The following KAT6B variants were observed in gnomAD, a reference collection of about 807,000 sequenced individuals.
KAT6B encodes histone acetyltransferase KAT6B.
A neutral mutation model predicts 187.5 loss-of-function variants in KAT6B; 10 were observed. The observed-to-expected ratio is 0.05, with a 90% confidence interval of 0.03 to 0.09. The LOEUF is 0.09. Ranked by LOEUF, KAT6B falls within the 10% of genes least tolerant of loss-of-function variation. The probability of loss-of-function intolerance (pLI) is 1.00; values close to 1 mark genes in which losing one functional copy is unlikely to be tolerated. For missense variants in KAT6B, 1,952 were observed against 2,558.9 expected (o/e 0.76, Z 5.12); for synonymous variants, 861 against 926.8 (o/e 0.93, Z 1.29).
chr10:74,890,610 C>T (rs190365359), intron 3 of KAT6B, among the ~76,000 whole-genome samples: 8 of 152,116 alleles, frequency 5.3e-5, no homozygotes, highest in Non-Finnish European at 8.8e-5. Context: ...ACAGTTTTCT[C>T]GGAGTACACG....
At chr10:74,896,607 C>T (rs1408747229) in intron 3 of KAT6B, among the ~76,000 whole-genome samples, 2 of 152,112 alleles carry the variant, frequency 1.3e-5, no homozygotes, top group African/African-American at 2.4e-5. Flanking sequence ...GTACTTTAAA[C>T]GATTATGGGT....
At chr10:74,976,679 C>T (rs1281594223) in intron 8 of KAT6B, 2 of 378,880 alleles carry the variant, frequency 5.3e-6, no homozygotes, top group Non-Finnish European at 1.0e-5. Context: ...GTCACCTCTG[C>T]AGCCACAGCG....
At chr10:74,905,774 A>G (rs1320866189) in intron 3 of KAT6B, among the ~76,000 whole-genome samples, 1 of 152,122 alleles carries the variant, frequency 6.6e-6, no homozygotes, top group East Asian at 1.9e-4. Context: ...TGATAATAAA[A>G]AGCAAACTGA....
At chr10:74,872,775 A>G (rs1351033016) in intron 3 of KAT6B, among the ~76,000 whole-genome samples, 2 of 151,340 alleles carry the variant, frequency 1.3e-5, no homozygotes, top group Non-Finnish European at 2.9e-5. Flanking sequence ...TTGGTCTTCC[A>G]AAGTGTTGGG....
chr10:74,950,172 T>TA (rs1266265616), intron 3 of KAT6B, among the ~76,000 whole-genome samples: 2 of 152,206 alleles, frequency 1.3e-5, no homozygotes, highest in African/African-American at 4.8e-5. Flanking sequence ...TATCTCCAAT[T>TA]ATCTTTTAGA....
intron 4 of KAT6B, among the ~76,000 whole-genome samples, chr10:74,968,090 A>AG (rs942356700): frequency 3.3e-5 from 5 of 152,176 alleles, no homozygotes; most frequent in African/African-American, 9.7e-5. Context: ...TCACTATATA[A>AG]GGGGACAGAG....
intron 7 of KAT6B, 143 bp downstream of exon 7, chr10:74,972,782 A>C (rs1284375557): frequency 1.2e-6 from 1 of 808,138 alleles, no homozygotes. Context: ...CTTTTGCATA[A>C]GCTGTGGAAA....
At chr10:74,924,304 A>G (rs1848339671) in intron 3 of KAT6B, among the ~76,000 whole-genome samples, 1 of 152,252 alleles carries the variant, frequency 6.6e-6, no homozygotes, top group Non-Finnish European at 1.5e-5. Flanking sequence ...GTTAAAAACT[A>G]TAAATAAAGT....
chr10:74,895,060 TG>T (rs1268836040), intron 3 of KAT6B, among the ~76,000 whole-genome samples: 3 of 130,564 alleles, frequency 2.3e-5, no homozygotes, highest in African/African-American at 8.4e-5. Context: ...TATCAACACT[TG>T]GTTTTTTTTT....
At chr10:74,933,811 A>G (rs1006256290) in intron 3 of KAT6B, among the ~76,000 whole-genome samples, 1 of 152,194 alleles carries the variant, frequency 6.6e-6, no homozygotes, top group African/African-American at 2.4e-5. Context: ...TAGGTAGACA[A>G]CTTTGCTGAG....
chr10:74,928,642 T>C (rs1848656822), intron 3 of KAT6B, among the ~76,000 whole-genome samples: 1 of 152,238 alleles, frequency 6.6e-6, no homozygotes, highest in Admixed American at 6.5e-5. Flanking sequence ...AGCTCACTTA[T>C]GTCATTTGTC....
chr10:74,911,688 A>G (rs942855806), intron 3 of KAT6B, among the ~76,000 whole-genome samples: 15 of 152,060 alleles, frequency 9.9e-5, no homozygotes, highest in Non-Finnish European at 1.8e-4. Flanking sequence ...ATACTTTGTA[A>G]TATTTGAGAT....
At chr10:74,951,483 G>C (rs1352473642) in intron 3 of KAT6B, among the ~76,000 whole-genome samples, 1 of 151,712 alleles carries the variant, frequency 6.6e-6, no homozygotes, top group Non-Finnish European at 1.5e-5. Context: ...GAGATGGAAA[G>C]AAATAGCGGG....
At chr10:74,835,974 C>T (rs1369483366) in intron 1 of KAT6B, among the ~76,000 whole-genome samples, 1 of 152,170 alleles carries the variant, frequency 6.6e-6, no homozygotes, top group African/African-American at 2.4e-5. Context: ...ACCCATTAAG[C>T]AGTTTCTCTA....
intron 3 of KAT6B, among the ~76,000 whole-genome samples, chr10:74,938,569 C>CTT (rs995470794): frequency 5.9e-5 from 9 of 152,110 alleles, no homozygotes; most frequent in African/African-American, 2.2e-4. Context: ...ACTGATTATT[C>CTT]TTTGAGTCTT....
chr10:74,896,042 T>G (rs944247873), intron 3 of KAT6B, among the ~76,000 whole-genome samples: 23 of 152,128 alleles, frequency 1.5e-4, no homozygotes, highest in African/African-American at 5.6e-4. Flanking sequence ...TTTCTTTTCC[T>G]TTAAAGACTC....
At chr10:74,847,672 AAAAT>A (rs1564518820) in intron 3 of KAT6B, among the ~76,000 whole-genome samples, 1 of 152,140 alleles carries the variant, frequency 6.6e-6, no homozygotes, top group African/African-American at 2.4e-5. Flanking sequence ...CTCAAAAAAA[AAAAT>A]AAATAAATAA....
At chr10:75,020,429 C>A (rs1336259003) in intron 13 of KAT6B, among the ~76,000 whole-genome samples, 153 bp from the exon 14 acceptor site, 1 of 152,234 alleles carries the variant, frequency 6.6e-6, no homozygotes, top group Non-Finnish European at 1.5e-5. Context: ...GATCAAATCA[C>A]TATAACTGGG....
At chr10:74,887,714 A>C (rs1845379102) in intron 3 of KAT6B, among the ~76,000 whole-genome samples, 1 of 152,086 alleles carries the variant, frequency 6.6e-6, no homozygotes, top group African/African-American at 2.4e-5. Context: ...GATGTTAAGA[A>C]AGGAAACTAG....
Sources: allele counts gnomAD v4.1 joint callset (sites outside exome capture counted in the v4.1 genomes callset), GRCh38; gene constraint gnomAD v4.1.1; transcripts MANE v1.5; gene names NCBI Gene and HGNC (gene_info 2026-07-23, HGNC 2026-07-21).